The following C3orf22 variants were observed in gnomAD, a reference collection of about 807,000 sequenced individuals.
C3orf22 encodes the protein chromosome 3 open reading frame 22.
C3orf22 carries 7 observed loss-of-function variants against 10.8 expected under a neutral mutation model. The ratio of observed to expected loss-of-function variants is 0.65; its 90% CI spans 0.37 to 1.22. C3orf22 has a LOEUF of 1.22. Ranked by LOEUF, C3orf22 falls within the 50% of genes most tolerant of loss-of-function variation. The pLI is 0.02. For synonymous variants in C3orf22, 79 were observed against 78.9 expected, an observed-to-expected ratio of 1.00 and a Z score of 0.00; for missense variants, 173 against 177.0, an observed-to-expected ratio of 0.98 and a Z score of 0.13.
intron 4 of C3orf22, among the ~76,000 whole-genome samples, chr3:126,534,013 G>A (rs1936712196): frequency 6.6e-6 from 1 of 152,112 alleles, no homozygotes; most frequent in Non-Finnish European, 1.5e-5. Context: ...GGCTACAATT[G>A]TTCAGAGTTC....
chr3:126,541,982 C>T (rs1395527741), intron 4 of C3orf22: 2 of 1,570,946 alleles, frequency 1.3e-6, no homozygotes, highest in Non-Finnish European at 1.7e-6. Flanking sequence ...GCAAGAGGCG[C>T]ACGCGCCTGG....
At chr3:126,533,794 T>C (rs1425162647) in intron 4 of C3orf22, among the ~76,000 whole-genome samples, 1 of 152,198 alleles carries the variant, frequency 6.6e-6, no homozygotes, top group Non-Finnish European at 1.5e-5. Flanking sequence ...TATGAAAGAT[T>C]GGTGTTAATT....
At chr3:126,537,001 A>C (rs144807187) in intron 4 of C3orf22, among the ~76,000 whole-genome samples, 1 of 152,222 alleles carries the variant, frequency 6.6e-6, no homozygotes, top group Non-Finnish European at 1.5e-5. Context: ...GGATGCTGAG[A>C]TCCAGCAGCA....
At chr3:126,529,910 C>T (rs1936616036) in intron 4 of C3orf22, among the ~76,000 whole-genome samples, 1 of 152,252 alleles carries the variant, frequency 6.6e-6, no homozygotes, top group African/African-American at 2.4e-5. Context: ...CCTGTTCTGT[C>T]TGCTCCTCTG....
chr3:126,531,257 T>A (rs961092786), intron 4 of C3orf22, among the ~76,000 whole-genome samples: 7 of 151,948 alleles, frequency 4.6e-5, no homozygotes, highest in Admixed American at 1.3e-4. Flanking sequence ...GATTCTTGAG[T>A]TTAATGGGCC....
At chr3:126,541,990 T>A (rs745985936) in intron 4 of C3orf22, 13 of 1,564,264 alleles carry the variant, frequency 8.3e-6, no homozygotes, top group Middle Eastern at 1.7e-4. Flanking sequence ...CGCACGCGCC[T>A]GGCCGCCTGC....
intron 3 of C3orf22, among the ~76,000 whole-genome samples, chr3:126,551,527 T>C (rs577783971): frequency 6.6e-6 from 1 of 152,252 alleles, no homozygotes; most frequent in Non-Finnish European, 1.5e-5. Context: ...GCCCCATGCA[T>C]GGGGTGACAA....
Position 126,549,874 on chromosome 3 carries a change from G to A in C3orf22, c.420C>T (p.Leu140=). Residue 140 remains leucine (L), a synonymous_variant, in exon 4 of 4, where the codon CTC becomes CTT. Coordinates refer to ENST00000318225, the MANE Select transcript of C3orf22 (RefSeq NM_152533.3). ...TSKAAGLSRG[L]S ...CACACACAGAGCCCAGTCTCTAGGA[G>A]AGGCCCCTGGACAGCCCTGCCGCCT... The A allele has an allele frequency of 6.2e-7, 1 of 1,612,326 alleles. No individual in the cohort carries two copies. The highest frequency in any genetic ancestry group is 1.1e-5 in the South Asian group (1 of 90,864).
At chr3:126,549,170 G>A (rs995196506), downstream of C3orf22, among the ~76,000 whole-genome samples, 4 of 151,958 alleles carry the variant, frequency 2.6e-5, no homozygotes, top group African/African-American at 9.7e-5. Flanking sequence ...CCACAAAATG[G>A]TGTGCCTCAC....
chr3:126,541,677 C>A, intron 4 of C3orf22: 2 of 1,371,370 alleles, frequency 1.5e-6, no homozygotes, highest in South Asian at 3.2e-5. Context: ...GCGCCAGAGT[C>A]AGGGAGCCCG....
Position 126,549,876 on chromosome 3 carries a change from G to A in C3orf22, c.418C>T (p.Leu140Phe). ...CACACAGAGCCCAGTCTCTAGGAGA[G>A]GCCCCTGGACAGCCCTGCCGCCTTG... Reference protein sequence around the residue: ...TSKAAGLSRGLS With the variant: ...TSKAAGLSRGFS Residue 140 changes from leucine (L) to phenylalanine (F), a missense_variant, in exon 4 of 4, where the codon CTC becomes TTC. Transcript: ENST00000318225. 6.2e-6 allele frequency: 10 copies of A among 1,612,474 alleles called. No homozygotes were observed. The highest frequency in any genetic ancestry group is 1.3e-5 in the African/African-American group (1 of 74,980).
At chr3:126,542,316 A>G in intron 4 of C3orf22, 1 of 1,568,312 alleles carries the variant, frequency 6.4e-7, no homozygotes, top group Non-Finnish European at 8.6e-7. Context: ...GCGCTCTGCC[A>G]CCCGTGTCGC....
chr3:126,553,162 TG>T (rs1308207805), intron 2 of C3orf22, 139 bp downstream of exon 2: 10 of 726,782 alleles, frequency 1.4e-5, no homozygotes, highest in Non-Finnish European at 2.2e-5. Flanking sequence ...GACTGTCAGC[TG>T]GGCAAGGGCT....
exon 6 of C3orf22, chr3:126,527,039 C>T (rs889513441): frequency 5.9e-5 from 9 of 152,380 alleles, no homozygotes; most frequent in African/African-American, 2.2e-4. Context: ...AAGATCTCAG[C>T]TCTATGTCTT....
downstream of C3orf22, among the ~76,000 whole-genome samples, chr3:126,549,033 C>T (rs1399396537): frequency 2.0e-5 from 3 of 152,210 alleles, no homozygotes; most frequent in Admixed American, 2.0e-4. Context: ...CTTCAGCAGG[C>T]ACCCCGCTGC....
intron 1 of C3orf22, among the ~76,000 whole-genome samples, chr3:126,554,479 G>T (rs1032056597): frequency 1.3e-4 from 20 of 152,088 alleles, no homozygotes; most frequent in Non-Finnish European, 7.4e-5. Context: ...GGCCAGGCTG[G>T]TCTCAAACTC....
chr3:126,556,026 A>T (rs140692884), intron 1 of C3orf22, among the ~76,000 whole-genome samples: 240 of 152,240 alleles, frequency 1.6e-3, no homozygotes, highest in Non-Finnish European at 2.5e-3. Flanking sequence ...GTCCCATCCT[A>T]CCTGGTGCTC....
downstream of C3orf22, among the ~76,000 whole-genome samples, chr3:126,545,041 G>A (rs146132599): frequency 6.6e-6 from 1 of 152,358 alleles, no homozygotes; most frequent in Non-Finnish European, 1.5e-5. Flanking sequence ...TGTCCTCACA[G>A]ATCACAGGCT....
intron 3 of C3orf22, among the ~76,000 whole-genome samples, chr3:126,550,377 G>A (rs1387711803): frequency 1.3e-5 from 2 of 152,176 alleles, no homozygotes; most frequent in African/African-American, 4.8e-5. Flanking sequence ...GGCTGGGGAC[G>A]TGGTCTCAAG....
Sources: gnomAD v4.1 joint callset for allele counts (sites outside exome capture counted in the v4.1 genomes callset) on GRCh38, gnomAD v4.1.1 for gene constraint, MANE v1.5 for transcripts, NCBI Gene and HGNC (gene_info 2026-07-23, HGNC 2026-07-21) for gene names.